Variants in ANKRD52 observed in about 807,000 individuals in gnomAD.
ANKRD52 encodes the protein serine/threonine-protein phosphatase 6 regulatory ankyrin repeat subunit C.
In ANKRD52, 7 loss-of-function variants were observed where a neutral mutation model predicts 116.0. The ratio of observed to expected loss-of-function variants is 0.06; its 90% CI spans 0.03 to 0.11. The LOEUF (loss-of-function observed/expected upper bound fraction) is 0.11. ANKRD52 is among the 10% of genes least tolerant of loss of function. The pLI is 1.00. For synonymous variants in ANKRD52, 528 were observed against 578.1 expected (o/e 0.91, Z 1.24); for missense variants, 839 against 1,408.6 (o/e 0.60, Z 6.47).
chr12:56,245,808 C>T (rs773650), intron 20 of ANKRD52, among the ~76,000 whole-genome samples: 14,043 of 147,596 alleles, frequency 0.095, 871 homozygotes, highest in Middle Eastern at 0.22. Flanking sequence ...TCTGCCTCCC[C>T]GGTTCAAGCG....
rs75089885 is a variant in ANKRD52 at position 56,247,476 on chromosome 12, C to A, written c.2184+17G>T. 3.9e-6 allele frequency: 6 copies of A among 1,552,956 alleles called. No homozygotes were observed. The South Asian group carries it at 5.9e-5, about 15-fold the overall frequency. On this transcript the variant is annotated intron_variant, in intron 20 of 27. Transcript: ENST00000267116. ...TGAGGCCCATGTGCAAACAATCCCC[C>A]CTAGAAGCTCACTCACCCCGCGGTG...
In ANKRD52 at chr12:56,238,486, CCT is replaced by C. The variant is rs893408455; in HGVS notation, c.*4654_*4655del. 2.0e-5 allele frequency: 3 copies of C among 152,250 alleles called. No individual in the cohort carries two copies. The highest frequency in any genetic ancestry group is 2.4e-5 in the African/African-American group (1 of 41,422). The allele number at this position is 152,250 out of a possible 1,614,324, so 9.4% of individuals were successfully genotyped here. ...CCAGGTCCCCACCCCAACCCTCTCC[CCT>C]GTCTTGCTGTCCCCCGCAGGGGAAC... is the stretch of plus-strand genomic sequence containing the variant. On this transcript the variant is annotated 3_prime_UTR_variant, in exon 28 of 28. Coordinates refer to ENST00000267116, the MANE Select transcript of ANKRD52 (RefSeq NM_173595.4).
At chr12:56,257,405 G>T in intron 2 of ANKRD52, 44 bp from the exon 3 acceptor site, 5 of 1,516,412 alleles carry the variant, frequency 3.3e-6, no homozygotes, top group Non-Finnish European at 4.5e-6. Context: ...GCGGGGTAAG[G>T]GGGCTATCAA....
chr12:56,242,971 A>T lies in ANKRD52; in HGVS notation c.*171T>A. 1 of 1,005,956 alleles carries T rather than the reference A, an allele frequency of 9.9e-7. No individual in the cohort carries two copies. The highest frequency in any genetic ancestry group is 1.4e-6 in the Non-Finnish European group (1 of 712,362). The allele number at this position is 1,005,956 out of a possible 1,614,324, so 62.3% of individuals were successfully genotyped here. A position where few individuals can be genotyped will look rare whatever the true frequency, so the allele number is the denominator to read the frequency against. On this transcript the variant is annotated 3_prime_UTR_variant, in exon 28 of 28. Coordinates refer to ENST00000267116, the MANE Select transcript of ANKRD52 (RefSeq NM_173595.4). This position sits in a 1 kb window ranked among gnomAD's most constrained non-coding sequence, Gnocchi z 4.3. ...TCCCTGTCAGTCCCAGACCCCTGCCAGGCCAAGATGGTGTGGCAAAGGGGT... is the reference window on the plus strand; with the variant it reads ...TCCCTGTCAGTCCCAGACCCCTGCCTGGCCAAGATGGTGTGGCAAAGGGGT...
Position 56,243,493 on chromosome 12 carries a change from C to T in ANKRD52, c.2981-101G>A. The stretch of plus-strand genomic sequence containing the variant: ...TCTCTGTGGAGGGAGCCAAGGCAGG[C>T]AGGTACCCAGCAGCGGCAGAATCCA... On this transcript the variant is annotated intron_variant, in intron 27 of 27. Transcript: ENST00000267116. The surrounding 1 kb of genome is among the most constrained non-coding windows in gnomAD (Gnocchi z 4.6). 6.8e-7 allele frequency: 1 copy of T among 1,461,368 alleles called. No individual in the cohort carries two copies. The highest frequency in any genetic ancestry group is 9.2e-7 in the Non-Finnish European group (1 of 1,092,806). 90.5% of individuals were successfully genotyped at this position (1,461,368 alleles called of 1,614,324 possible).
chr12:56,257,231 C>T (rs1231590323), intron 3 of ANKRD52, 52 bp downstream of exon 3: 6 of 1,551,766 alleles, frequency 3.9e-6, no homozygotes, highest in Non-Finnish European at 5.2e-6. Flanking sequence ...AAAAAGACTC[C>T]TCCCCTCCCT....
intron 20 of ANKRD52, 25 bp downstream of exon 20, chr12:56,247,468 C>A: frequency 6.5e-7 from 1 of 1,544,470 alleles, no homozygotes; most frequent in Admixed American, 2.0e-5. Context: ...CATGTGCAAA[C>A]AATCCCCCCT....
At position 56,248,331 on chromosome 12, in the gene ANKRD52, G is replaced by C. The variant is rs1871518583; in HGVS notation, c.1777-107C>G. ...TGGGAAGCTCAAGGTCTTAGTCCTT[G>C]ACAAGCTCCTTGGGCCCCTTAAGGC... On this transcript the variant is annotated intron_variant, in intron 17 of 27. Transcript: ENST00000267116. This position sits in a 1 kb window ranked among gnomAD's most constrained non-coding sequence, Gnocchi z 5.1. 1.4e-6 allele frequency: 2 copies of C among 1,470,536 alleles called. No homozygotes were observed. Among genetic ancestry groups the C allele is most frequent in the Admixed American group, 3.5e-5 (2 of 56,616 alleles). 91.1% of individuals were successfully genotyped at this position (1,470,536 alleles called of 1,614,324 possible). A position where few individuals can be genotyped will look rare whatever the true frequency, so the allele number is the denominator to read the frequency against.
Position 56,242,497 on chromosome 12 carries a change from T to G in ANKRD52, c.*645A>C, listed in dbSNP as rs1404238526. ...GAGGAGCCAGGGGAGAGTGCAGGAT[T>G]GGGGCCCAGGTACAGTAGTTGCTGC... On this transcript the variant is annotated 3_prime_UTR_variant, in exon 28 of 28. Coordinates refer to ENST00000267116, the MANE Select transcript of ANKRD52 (RefSeq NM_173595.4). The surrounding 1 kb of genome is among the most constrained non-coding windows in gnomAD (Gnocchi z 4.3). The G allele has an allele frequency of 1.4e-5, 4 of 279,798 alleles. No individual in the cohort carries two copies. Among genetic ancestry groups the G allele is most frequent in the African/African-American group, 8.7e-5 (4 of 46,006 alleles). The allele number at this position is 279,798 out of a possible 1,614,324, so 17.3% of individuals were successfully genotyped here. A position where few individuals can be genotyped will look rare whatever the true frequency, so the allele number is the denominator to read the frequency against.
intron 4 of ANKRD52, 94 bp downstream of exon 4, chr12:56,256,921 T>G: frequency 7.4e-7 from 1 of 1,357,020 alleles, no homozygotes; most frequent in Non-Finnish European, 1.0e-6. Context: ...TAGAACAGCT[T>G]GTAGGGCTGA....
At chr12:56,245,295 G>C in intron 21 of ANKRD52, 82 bp downstream of exon 21, 1 of 1,600,756 alleles carries the variant, frequency 6.2e-7, no homozygotes, top group South Asian at 1.1e-5. Flanking sequence ...ATCAACCCAG[G>C]TCCCCCCCAA....
In ANKRD52 at chr12:56,252,363, C is replaced by A; in HGVS notation, c.1371-48G>T. On this transcript the variant is annotated intron_variant, in intron 13 of 27. Coordinates refer to ENST00000267116, the MANE Select transcript of ANKRD52 (RefSeq NM_173595.4). The surrounding 1 kb of genome is among the most constrained non-coding windows in gnomAD (Gnocchi z 4.7). ...TGGGGAAGAGAATCAGAGACAGATA[C>A]GAATGCAATCAGATGTGCAGCCAAA... 3 of 1,609,012 alleles carry A rather than the reference C, an allele frequency of 1.9e-6. No homozygotes were observed. Among genetic ancestry groups the A allele is most frequent in the Non-Finnish European group, 2.6e-6 (3 of 1,175,950 alleles).
In ANKRD52 at chr12:56,244,713, A is replaced by G; in HGVS notation, c.2661T>C (p.Thr887=). ...TGAGCGCAGTGCGGCCAGTGTGGTC[A>G]GTGGCGTTCACCTCAGCTTGATGCT... The part of the protein sequence containing the change: ...LLQHQAEVNA[T]DHTGRTALMT... The change falls in exon 24 of 28, where the codon ACT becomes ACC. Residue 887 remains threonine, a synonymous_variant. Coordinates refer to ENST00000267116, the MANE Select transcript of ANKRD52 (RefSeq NM_173595.4). This position sits in a 1 kb window ranked among gnomAD's most constrained non-coding sequence, Gnocchi z 4.9. 6.2e-7 allele frequency: 1 copy of G among 1,613,950 alleles called. No homozygotes were observed. Among genetic ancestry groups the G allele is most frequent in the South Asian group, 1.1e-5 (1 of 91,090 alleles).
At position 56,257,367 on chromosome 12, in the gene ANKRD52, A is replaced by G; in HGVS notation, c.112-6T>C. 6.3e-7 allele frequency: 1 copy of G among 1,580,650 alleles called. No individual in the cohort carries two copies. ...GGAGTTCGCCTCTCTTGGTCCTGGG[A>G]AGGCAAAAAAGAGCAGGGAGTATGG... On this transcript the variant is annotated splice_polypyrimidine_tract_variant and splice_region_variant and intron_variant, in intron 2 of 27. Transcript: ENST00000267116.
At position 56,239,160 on chromosome 12, in the gene ANKRD52, C is replaced by G. The variant is rs1871053574; in HGVS notation, c.*3982G>C. On this transcript the variant is annotated 3_prime_UTR_variant, in exon 28 of 28. Transcript: ENST00000267116. ...ATTCAAAGAGCAGACCCTCCCCACC[C>G]CAGCTTCACCCCATCTCTGGGATTT... 1 of 152,376 alleles carries G rather than the reference C, an allele frequency of 6.6e-6. No homozygotes were observed. The highest frequency in any genetic ancestry group is 2.4e-5 in the African/African-American group (1 of 41,476). The allele number at this position is 152,376 out of a possible 1,614,324, so 9.4% of individuals were successfully genotyped here. A position where few individuals can be genotyped will look rare whatever the true frequency, so the allele number is the denominator to read the frequency against.
rs775243213 is a variant in ANKRD52 at position 56,240,484 on chromosome 12, G to C, written c.*2658C>G. The C allele has an allele frequency of 6.6e-6, 1 of 152,052 alleles. No homozygotes were observed. The highest frequency in any genetic ancestry group is 1.5e-5 in the Non-Finnish European group (1 of 68,000). 9.4% of individuals were successfully genotyped at this position (152,052 alleles called of 1,614,324 possible). A position where few individuals can be genotyped will look rare whatever the true frequency, so the allele number is the denominator to read the frequency against. On this transcript the variant is annotated 3_prime_UTR_variant, in exon 28 of 28. Transcript: ENST00000267116. The surrounding 1 kb of genome is among the most constrained non-coding windows in gnomAD (Gnocchi z 4.2). ...AGGGCTGCGGTGGGGAGAGGGGGGA[G>C]GGGGAGGGCAAAGGGAAGGCGCTGT...
chr12:56,237,892 C>G lies in ANKRD52; in HGVS notation c.*5250G>C. 1.0e-6 allele frequency: 1 copy of G among 958,984 alleles called. No individual in the cohort carries two copies. The highest frequency in any genetic ancestry group is 1.5e-6 in the Non-Finnish European group (1 of 686,684). The allele number at this position is 958,984 out of a possible 1,614,324, so 59.4% of individuals were successfully genotyped here. On this transcript the variant is annotated 3_prime_UTR_variant, in exon 28 of 28. Coordinates refer to ENST00000267116, the MANE Select transcript of ANKRD52 (RefSeq NM_173595.4). ...ACTTGCACCAAAACAGCATAGAAAA[C>G]CAGAGTGTGGTGGGAGGACCCGAAG...
intron 1 of ANKRD52, 125 bp downstream of exon 1, chr12:56,258,118 T>TGGGGC: frequency 6.7e-7 from 1 of 1,482,892 alleles, no homozygotes; most frequent in African/African-American, 1.4e-5. Context: ...GAGCGCGGCA[T>TGGGGC]GGGGCGGGGC....
Position 56,253,223 on chromosome 12 carries a change from T to G in ANKRD52, c.1100+65A>C. The G allele has an allele frequency of 6.6e-7, 1 of 1,514,402 alleles. No homozygotes were observed. The highest frequency in any genetic ancestry group is 9.1e-7 in the Non-Finnish European group (1 of 1,100,088). 93.8% of individuals were successfully genotyped at this position (1,514,402 alleles called of 1,614,324 possible). A position where few individuals can be genotyped will look rare whatever the true frequency, so the allele number is the denominator to read the frequency against. On this transcript the variant is annotated intron_variant, in intron 10 of 27. Coordinates refer to ENST00000267116, the MANE Select transcript of ANKRD52 (RefSeq NM_173595.4). The surrounding 1 kb of genome is among the most constrained non-coding windows in gnomAD (Gnocchi z 5.5). ...TTTGGCAAGCTTATCTGTGCCTCCA[T>G]GGTTGATGTGAGCAGTCTGTGCAGA...
Sources: allele counts gnomAD v4.1 joint callset (sites outside exome capture counted in the v4.1 genomes callset), GRCh38; gene constraint gnomAD v4.1.1; non-coding constraint Gnocchi (gnomAD v3.1); transcripts MANE v1.5; gene names NCBI Gene and HGNC (gene_info 2026-07-23, HGNC 2026-07-21).